Variants in F10 observed in about 807,000 individuals in gnomAD.
The protein encoded by F10 is Stuart-Prower factor.
In F10, 29 loss-of-function variants were observed where a neutral mutation model predicts 37.1. The ratio of observed to expected loss-of-function variants is 0.78; its 90% CI spans 0.58 to 1.07. The LOEUF (loss-of-function observed/expected upper bound fraction) is 1.07. Ranked by LOEUF, F10 falls within the 50% of genes least tolerant of loss-of-function variation. The probability of loss-of-function intolerance (pLI) is 0.00; values close to 1 mark genes in which losing one functional copy is unlikely to be tolerated. For missense variants in F10, 539 were observed against 667.9 expected, an observed-to-expected ratio of 0.81 and a Z score of 2.13; for synonymous variants, 262 against 268.6, an observed-to-expected ratio of 0.98 and a Z score of 0.24.
At chr13:113,142,616 T>TAA (rs2036542094) in intron 5 of F10, among the ~76,000 whole-genome samples, 2 of 135,294 alleles carry the variant, frequency 1.5e-5, no homozygotes, top group African/African-American at 5.4e-5. Flanking sequence ...TAAAATTACA[T>TAA]AATCTACTTT....
chr13:113,148,345 A>AAAATATATAT (rs1300922846), intron 7 of F10, among the ~76,000 whole-genome samples: 135 of 95,388 alleles, frequency 1.4e-3, no homozygotes, highest in African/African-American at 4.7e-3. Flanking sequence ...AAAAAAAAAA[A>AAAATATATAT]ATATATATAT....
In F10 at chr13:113,149,412, G is replaced by C; in HGVS notation, c.1362G>C (p.Lys454Asn). The C allele has an allele frequency of 1.2e-6, 2 of 1,613,330 alleles. No homozygotes were observed. Among genetic ancestry groups the C allele is most frequent in the Non-Finnish European group, 1.7e-6 (2 of 1,179,834 alleles). The change falls in exon 8 of 8, where the codon AAG becomes AAC. Residue 454 changes from lysine (K) to asparagine (N), a missense_variant. By Grantham distance (94) the Lys-to-Asn change is moderately conservative. Coordinates refer to ENST00000375559, the MANE Select transcript of F10 (RefSeq NM_000504.4). The surrounding 1 kb of genome is among the most constrained non-coding windows in gnomAD (Gnocchi z 7.5). ...AGGGGAAGTACGGGATCTACACCAAGGTCACCGCCTTCCTCAAGTGGATCG... is the reference window on the plus strand; with the variant it reads ...AGGGGAAGTACGGGATCTACACCAACGTCACCGCCTTCCTCAAGTGGATCG... Reference protein sequence around the residue: ...ARKGKYGIYTKVTAFLKWIDR... With the variant: ...ARKGKYGIYTNVTAFLKWIDR...
chr13:113,139,541 G>T lies in F10; in HGVS notation c.370+71G>T. The T allele has an allele frequency of 8.7e-7, 1 of 1,145,560 alleles. No individual in the cohort carries two copies. Among genetic ancestry groups the T allele is most frequent in the Non-Finnish European group, 1.3e-6 (1 of 761,788 alleles). 71.0% of individuals were successfully genotyped at this position (1,145,560 alleles called of 1,614,324 possible). ...GAGTGGCAGGTGGGCGGGGGAAGAA[G>T]TGAAAACGCCTAATGAAACAATCTT... On this transcript the variant is annotated intron_variant, in intron 4 of 7. Transcript: ENST00000375559. The surrounding 1 kb of genome is among the most constrained non-coding windows in gnomAD (Gnocchi z 5.2).
intron 2 of F10, among the ~76,000 whole-genome samples, chr13:113,134,271 A>AG (rs1172511106): frequency 6.6e-6 from 1 of 152,228 alleles, no homozygotes; most frequent in African/African-American, 2.4e-5. Flanking sequence ...AAGAATGTGA[A>AG]GGGGAAAAAA....
At chr13:113,147,521 C>T in intron 7 of F10, 25 bp downstream of exon 7, 1 of 1,428,146 alleles carries the variant, frequency 7.0e-7, no homozygotes, top group African/African-American at 1.4e-5. Flanking sequence ...GCCCCCAGGG[C>T]CGTGGTGAGG....
intron 1 of F10, among the ~76,000 whole-genome samples, 193 bp from the exon 2 acceptor site, chr13:113,129,259 G>T (rs541473798): frequency 6.6e-6 from 1 of 152,200 alleles, no homozygotes; most frequent in Admixed American, 6.5e-5. Flanking sequence ...GGTTCCTATG[G>T]AATTCCCTTG....
chr13:113,129,541 G>T lies in F10; in HGVS notation c.160G>T (p.Glu54Ter), dbSNP rs121964939. The change falls in exon 2 of 8, where the codon GAA (glutamate) becomes TAA (stop). Residue 54 changes from glutamate (E) to a stop codon, truncating the protein, a stop_gained. Transcript: ENST00000375559. LOFTEE classifies it high-confidence loss of function. ...TGAAGAGATGAAGAAAGGACACCTC[G>T]AAAGAGAGTGCATGGAAGAGACCTG... ...FLEEMKKGHL[E>*]RECMEETCSY... is the part of the protein sequence containing the mutation. The T allele has an allele frequency of 1.9e-6, 3 of 1,614,156 alleles. No homozygotes were observed. Among genetic ancestry groups the T allele is most frequent in the Non-Finnish European group, 2.5e-6 (3 of 1,180,028 alleles).
rs2036524914 is a variant in F10, at chr13:113,141,200, C to T, written c.502+150C>T. On this transcript the variant is annotated intron_variant, in intron 5 of 7. Coordinates refer to ENST00000375559, the MANE Select transcript of F10 (RefSeq NM_000504.4). This position sits in a 1 kb window ranked among gnomAD's most constrained non-coding sequence, Gnocchi z 5.4. Reference sequence around the variant, plus strand: ...AGAGGACAGGACTGAGCCCTGGGCTCCGGGCCCAGGTGGTTCAAACATGAA... The same window carrying T: ...AGAGGACAGGACTGAGCCCTGGGCTTCGGGCCCAGGTGGTTCAAACATGAA... The T allele has an allele frequency of 8.7e-6, 10 of 1,147,928 alleles. No homozygotes were observed. In the East Asian group the frequency reaches 1.8e-4, roughly 21 times the overall value. 71.1% of individuals were successfully genotyped at this position (1,147,928 alleles called of 1,614,324 possible).
intron 2 of F10, among the ~76,000 whole-genome samples, chr13:113,134,787 A>G (rs963478798): frequency 4.6e-5 from 7 of 152,258 alleles, no homozygotes; most frequent in African/African-American, 1.4e-4. Context: ...GCCATTTACA[A>G]TTGCTTCAAA....
At chr13:113,129,868 A>C (rs992383601) in intron 2 of F10, 1 of 542,472 alleles carries the variant, frequency 1.8e-6, no homozygotes, top group African/African-American at 1.9e-5. Flanking sequence ...TGAGGGTCAC[A>C]GGGCTTCTGC....
intron 2 of F10, 108 bp downstream of exon 2, chr13:113,129,720 C>A (rs1331976543): frequency 1.2e-5 from 18 of 1,469,872 alleles, no homozygotes; most frequent in East Asian, 4.6e-5. Flanking sequence ...GAAGGGGCAG[C>A]GTGCGCGAAG....
chr13:113,123,034 T>A, intron 1 of F10, 109 bp downstream of exon 1: 1 of 1,304,882 alleles, frequency 7.7e-7, no homozygotes, highest in Non-Finnish European at 1.1e-6. Context: ...GTGCCTTGAG[T>A]GCTGCCAGAG....
At chr13:113,148,026 C>T (rs1048774076) in intron 7 of F10, among the ~76,000 whole-genome samples, 14 of 152,132 alleles carry the variant, frequency 9.2e-5, no homozygotes, top group African/African-American at 3.4e-4. Context: ...TTCTATTATA[C>T]ATTTTAAAAT....
intron 5 of F10, among the ~76,000 whole-genome samples, chr13:113,142,237 A>G (rs1219921010): frequency 6.6e-6 from 1 of 152,160 alleles, no homozygotes; most frequent in Non-Finnish European, 1.5e-5. Context: ...AAACAATCAC[A>G]AATCCATTTA....
chr13:113,138,868 T>C lies in F10; in HGVS notation c.256+387T>C, dbSNP rs550795948. 1.2e-3 allele frequency among the ~76,000 whole-genome samples: 183 copies of C among 152,250 alleles called. 2 individuals carry two copies. Among genetic ancestry groups the C allele is most frequent in the Admixed American group, 1.6e-3 (25 of 15,280 alleles). ...TGAAGTGGCCTCAGTCATGACTACC[T>C]GGTAACAGTATTCACATTTCTCAAA... On this transcript the variant is annotated intron_variant, in intron 3 of 7. Coordinates refer to ENST00000375559, the MANE Select transcript of F10 (RefSeq NM_000504.4).
rs79108838 is a variant in F10, at chr13:113,126,741, G to A, written c.71-2711G>A. Reference sequence around the variant, plus strand: ...GAACGCGGTCTTCAGACCCCAACTGGAGCCCAGGAGGCCCGCGAGTCCCAG... The same window carrying A: ...GAACGCGGTCTTCAGACCCCAACTGAAGCCCAGGAGGCCCGCGAGTCCCAG... On this transcript the variant is annotated intron_variant, in intron 1 of 7. Transcript: ENST00000375559. 8.8e-4 allele frequency among the ~76,000 whole-genome samples: 134 copies of A among 152,362 alleles called. 2 individuals are homozygous for A. The East Asian group carries it at 0.024, about 28-fold the overall frequency.
chr13:113,135,847 C>T (rs2036474074), intron 2 of F10, among the ~76,000 whole-genome samples: 1 of 152,074 alleles, frequency 6.6e-6, no homozygotes, highest in South Asian at 2.1e-4. Context: ...AATTCTTAGA[C>T]ATTGACACCA....
chr13:113,129,309 A>G, intron 1 of F10, 143 bp from the exon 2 acceptor site: 2 of 1,057,324 alleles, frequency 1.9e-6, no homozygotes, highest in Non-Finnish European at 2.8e-6. Flanking sequence ...GGGGGCTTAG[A>G]ATTTTATTTT....
rs375185661 is a variant in F10, at chr13:113,140,828, G to A, written c.371-91G>A. The A allele has an allele frequency of 4.7e-4, 746 of 1,599,776 alleles. 4 individuals carry two copies. The African/African-American group carries it at 9.3e-3, about 20-fold the overall frequency. ...TCAACCCAATGGCCGCTTTGTGGCTGACAGGCAAGTGGATGTAGCTGGCAC... is the reference window on the plus strand; with the variant it reads ...TCAACCCAATGGCCGCTTTGTGGCTAACAGGCAAGTGGATGTAGCTGGCAC... On this transcript the variant is annotated intron_variant, in intron 4 of 7. Transcript: ENST00000375559.
Sources: allele counts gnomAD v4.1 joint callset (sites outside exome capture counted in the v4.1 genomes callset), GRCh38; gene constraint gnomAD v4.1.1; non-coding constraint Gnocchi (gnomAD v3.1); transcripts MANE v1.5; gene names NCBI Gene and HGNC (gene_info 2026-07-23, HGNC 2026-07-21).